UNKL: variants seen among roughly 807,000 people sequenced by gnomAD.
UNKL encodes the protein unk like zinc finger.
A neutral mutation model predicts 78.0 loss-of-function variants in UNKL; 60 were observed. That is an observed-to-expected ratio of 0.77 (90% CI 0.63 to 0.95). The LOEUF (loss-of-function observed/expected upper bound fraction) is 0.95, where lower values mean the gene tolerates loss of function less well. UNKL is among the 40% of genes least tolerant of loss of function. UNKL has a pLI of 0.00. For missense variants in UNKL, 1,159 were observed against 1,045.7 expected, an observed-to-expected ratio of 1.11 and a Z score of -1.49; for synonymous variants, 608 against 474.8, an observed-to-expected ratio of 1.28 and a Z score of -3.65.
chr16:1,413,869 G>C lies in UNKL; in HGVS notation c.264C>G (p.Thr88=). The C allele has an allele frequency of 6.5e-7, 1 of 1,531,626 alleles. No individual in the cohort carries two copies. Among genetic ancestry groups the C allele is most frequent in the Non-Finnish European group, 8.8e-7 (1 of 1,131,100 alleles). 94.9% of individuals were successfully genotyped at this position (1,531,626 alleles called of 1,614,324 possible). The change falls in exon 2 of 15, where the codon ACC becomes ACG. Residue 88 remains threonine, a synonymous_variant. Transcript: ENST00000389221. ...DVYCSKYNEA[T]GVCPDGDECP... ...ACTCGTCGCCGTCGGGGCACACGCC[G>C]GTGGCTTCGTTGTACTTGGAGCAGT...
intron 2 of UNKL, among the ~76,000 whole-genome samples, chr16:1,407,693 C>CAA (rs796468528): frequency 1.2e-4 from 10 of 80,550 alleles, no homozygotes; most frequent in Non-Finnish European, 1.7e-4. Flanking sequence ...GAGGCCCTGT[C>CAA]AAAAAAAAAA....
intron 10 of UNKL, among the ~76,000 whole-genome samples, chr16:1,383,272 C>CAAAA (rs527382927): frequency 1.5e-5 from 1 of 65,306 alleles, no homozygotes; most frequent in Non-Finnish European, 3.2e-5. Context: ...AACTCCGTCT[C>CAAAA]AAAAAAAAAA....
At chr16:1,390,607 G>A (rs919652489) in intron 9 of UNKL, 25 bp downstream of exon 9, 8 of 1,535,656 alleles carry the variant, frequency 5.2e-6, no homozygotes, top group Admixed American at 3.9e-5. Flanking sequence ...CAGGCACGAG[G>A]GTGGGAAACC....
intron 2 of UNKL, among the ~76,000 whole-genome samples, chr16:1,413,500 A>G (rs1304408480): frequency 1.3e-5 from 2 of 151,994 alleles, no homozygotes; most frequent in East Asian, 1.9e-4. Flanking sequence ...CCTGGGAGGT[A>G]GAGGCTGCAG....
In UNKL at chr16:1,370,351, C is replaced by G. The variant is rs944023196; in HGVS notation, c.1364G>C (p.Arg455Thr). 5 of 1,532,710 alleles carry G rather than the reference C, an allele frequency of 3.3e-6. No homozygotes were observed. Among genetic ancestry groups the G allele is most frequent in the Non-Finnish European group, 4.4e-6 (5 of 1,145,976 alleles). The allele number at this position is 1,532,710 out of a possible 1,614,324, so 94.9% of individuals were successfully genotyped here. A position where few individuals can be genotyped will look rare whatever the true frequency, so the allele number is the denominator to read the frequency against. The change falls in exon 12 of 15, where the codon AGG becomes ACG. Residue 455 changes from arginine to threonine, a missense_variant. Transcript: ENST00000389221. ...GACAGGTGCAGAGCCGGCCAGCGACCTGGGACCTGGCGGGGGCGGACCAGT... is the reference window on the plus strand; with the variant it reads ...GACAGGTGCAGAGCCGGCCAGCGACGTGGGACCTGGCGGGGGCGGACCAGT... The part of the protein sequence containing the change: ...DGHDLGAAGP[R>T]SLAGSAPVAI...
chr16:1,374,553 C>A (rs915053678), intron 10 of UNKL, among the ~76,000 whole-genome samples: 2 of 152,196 alleles, frequency 1.3e-5, no homozygotes, highest in African/African-American at 4.8e-5. Context: ...GCCTGGCCAG[C>A]CCCTGCCTGG....
At chr16:1,368,262 T>A (rs1048872778) in intron 12 of UNKL, 5 of 224,256 alleles carry the variant, frequency 2.2e-5, no homozygotes, top group Non-Finnish European at 3.5e-5. Context: ...TGACTGCCAA[T>A]GTCTATGCAG....
At position 1,363,608 on chromosome 16, in the gene UNKL, G is replaced by A. The variant is rs761320112; in HGVS notation, c.*2632C>T. On this transcript the variant is annotated 3_prime_UTR_variant, in exon 15 of 15. Coordinates refer to ENST00000389221, the MANE Select transcript of UNKL (RefSeq NM_001372107.1). ...CCCGTGCCCGCCATGGCCACAGGGGGGAGCTGCTGGGCGCGCCTCCACCTC... is the reference window on the plus strand; with the variant it reads ...CCCGTGCCCGCCATGGCCACAGGGGAGAGCTGCTGGGCGCGCCTCCACCTC... The A allele has an allele frequency of 3.9e-5, 8 of 207,470 alleles. No homozygotes were observed. Among genetic ancestry groups the A allele is most frequent in the Non-Finnish European group, 7.9e-5 (8 of 100,650 alleles). 12.9% of individuals were successfully genotyped at this position (207,470 alleles called of 1,614,324 possible). A position where few individuals can be genotyped will look rare whatever the true frequency, so the allele number is the denominator to read the frequency against.
chr16:1,393,110 G>T, intron 7 of UNKL, 134 bp from the exon 8 acceptor site: 1 of 934,524 alleles, frequency 1.1e-6, no homozygotes, highest in South Asian at 1.5e-5. Flanking sequence ...TGCGGCAGAG[G>T]ACGGCTGGGC....
At chr16:1,392,333 G>C (rs1480712203) in intron 8 of UNKL, among the ~76,000 whole-genome samples, 3 of 152,144 alleles carry the variant, frequency 2.0e-5, no homozygotes, top group African/African-American at 7.2e-5. Context: ...CAGGAGGAGA[G>C]ACTGCAGATT....
intron 7 of UNKL, 63 bp from the exon 8 acceptor site, chr16:1,393,039 G>T: frequency 6.7e-7 from 1 of 1,491,864 alleles, no homozygotes; most frequent in Non-Finnish European, 9.1e-7. Context: ...ACACGCAGAA[G>T]TCTCCGCACC....
chr16:1,392,560 G>A (rs1164420381), intron 8 of UNKL, among the ~76,000 whole-genome samples: 2 of 152,032 alleles, frequency 1.3e-5, no homozygotes, highest in Non-Finnish European at 2.9e-5. Flanking sequence ...TCAGCCTCCT[G>A]AGTAGCTGGG....
At chr16:1,367,021 G>A (rs1192196167) in intron 14 of UNKL, 71 bp downstream of exon 14, 2 of 1,454,510 alleles carry the variant, frequency 1.4e-6, no homozygotes, top group South Asian at 1.4e-5. Context: ...CACCAGCCAG[G>A]GCCCTCCCCA....
intron 9 of UNKL, among the ~76,000 whole-genome samples, chr16:1,388,323 G>C (rs1198610276): frequency 1.3e-5 from 2 of 152,182 alleles, no homozygotes; most frequent in Non-Finnish European, 2.9e-5. Flanking sequence ...GGCTGGGACA[G>C]GCAGCCTCAG....
chr16:1,399,517 A>G lies in UNKL; in HGVS notation c.599-8T>C. ...CCAGCACGAAGTTGGCATCTGAAAA[A>G]TGGGCCACACGGTGCCTGAGCAGCG... On this transcript the variant is annotated splice_polypyrimidine_tract_variant and splice_region_variant and intron_variant, in intron 4 of 14. Coordinates refer to ENST00000389221, the MANE Select transcript of UNKL (RefSeq NM_001372107.1). This position sits in a 1 kb window ranked among gnomAD's most constrained non-coding sequence, Gnocchi z 5.8. 1 of 1,591,832 alleles carries G rather than the reference A, an allele frequency of 6.3e-7. No homozygotes were observed. The highest frequency in any genetic ancestry group is 1.7e-4 in the Middle Eastern group (1 of 5,920).
intron 9 of UNKL, among the ~76,000 whole-genome samples, chr16:1,388,061 G>A (rs2036891374): frequency 6.6e-6 from 1 of 152,190 alleles, no homozygotes; most frequent in African/African-American, 2.4e-5. Flanking sequence ...CAGGCCCAGA[G>A]GCCACCTCCC....
rs2034984219 is a variant in UNKL, at chr16:1,363,340, T to TTATAAATACTA, written c.*2889_*2899dup. 2 of 501,540 alleles carry TTATAAATACTA rather than the reference T, an allele frequency of 4.0e-6. No homozygotes were observed. The highest frequency in any genetic ancestry group is 3.9e-5 in the African/African-American group (2 of 51,654). 31.1% of individuals were successfully genotyped at this position (501,540 alleles called of 1,614,324 possible). A position where few individuals can be genotyped will look rare whatever the true frequency, so the allele number is the denominator to read the frequency against. On this transcript the variant is annotated 3_prime_UTR_variant, in exon 15 of 15. Transcript: ENST00000389221. ...TAAACAGTTCGCTACAAGTAAATGATTATAAATACTACCTTCTGGGTTAAG... is the reference window on the plus strand; with the variant it reads ...TAAACAGTTCGCTACAAGTAAATGATTATAAATACTATATAAATACTACCTTCTGGGTTAAG...
intron 14 of UNKL, 43 bp from the exon 15 acceptor site, chr16:1,366,438 A>AGGCTGGGCC: frequency 2.6e-6 from 4 of 1,514,148 alleles, no homozygotes; most frequent in Non-Finnish European, 3.6e-6. Context: ...GCCCCTGCCC[A>AGGCTGGGCC]GGCTGGGCCA....
Position 1,403,930 on chromosome 16 carries a change from G to A in UNKL, c.288-586C>T, listed in dbSNP as rs891025822. On this transcript the variant is annotated intron_variant, in intron 2 of 14. Transcript: ENST00000389221. This position sits in a 1 kb window ranked among gnomAD's most constrained non-coding sequence, Gnocchi z 4.8. ...AGGTGAGGTAGCATCACCATCCCAT[G>A]GGCCACCTGCAGGCCCAGAGCCATG... 6.6e-6 allele frequency among the ~76,000 whole-genome samples: 1 copy of A among 152,162 alleles called. No individual in the cohort carries two copies. Among genetic ancestry groups the A allele is most frequent in the African/African-American group, 2.4e-5 (1 of 41,438 alleles).
Sources: allele counts gnomAD v4.1 joint callset (sites outside exome capture counted in the v4.1 genomes callset), GRCh38; gene constraint gnomAD v4.1.1; non-coding constraint Gnocchi (gnomAD v3.1); transcripts MANE v1.5; gene names NCBI Gene and HGNC (gene_info 2026-07-23, HGNC 2026-07-21).